Variants in KAZN observed in about 807,000 individuals in gnomAD.
The protein encoded by KAZN is kazrin.
KAZN carries 40 observed loss-of-function variants against 87.4 expected under a neutral mutation model. That is an observed-to-expected ratio of 0.46 (90% CI 0.36 to 0.60). The LOEUF is 0.60. Ranked by LOEUF, KAZN falls within the 20% of genes least tolerant of loss-of-function variation. The probability of loss-of-function intolerance (pLI) is 0.00; values close to 1 mark genes in which losing one functional copy is unlikely to be tolerated. For missense variants in KAZN, 898 were observed against 1,073.9 expected (o/e 0.84, Z 2.29); for synonymous variants, 466 against 458.3 (o/e 1.02, Z -0.22).
chr1:14,994,370 A>G (rs1458741601), intron 2 of KAZN, among the ~76,000 whole-genome samples: 1 of 152,170 alleles, frequency 6.6e-6, no homozygotes, highest in Non-Finnish European at 1.5e-5. Context: ...ACATTGTACC[A>G]CTGCCTTCAA....
At chr1:14,903,283 C>G (rs1015293251) in intron 1 of KAZN, among the ~76,000 whole-genome samples, 1 of 152,174 alleles carries the variant, frequency 6.6e-6, no homozygotes, top group Non-Finnish European at 1.5e-5. Context: ...AACACAGGAC[C>G]CAAACTACGT....
At position 15,001,067 on chromosome 1, in the gene KAZN, C is replaced by T. The variant is rs997045592; in HGVS notation, c.419-33682C>T. 6.0e-5 allele frequency among the ~76,000 whole-genome samples: 9 copies of T among 149,574 alleles called. No homozygotes were observed. In the South Asian group the frequency reaches 6.2e-4, roughly 10 times the overall value. On this transcript the variant is annotated intron_variant, in intron 2 of 14. Transcript: ENST00000376030. The stretch of plus-strand genomic sequence containing the variant: ...GCAGTGAGCCATGGTGGTGCCACTG[C>T]GCTCCAGCCTGGGTGACAGATGGAG...
chr1:14,104,696 A>G (rs1025120851), intron 1 of KAZN, among the ~76,000 whole-genome samples: 6 of 152,324 alleles, frequency 3.9e-5, no homozygotes, highest in Admixed American at 3.9e-4. Context: ...TATCAACCTC[A>G]TGGCTATTCT....
At chr1:14,153,760 A>G (rs566899391) in intron 1 of KAZN, among the ~76,000 whole-genome samples, 25 of 142,310 alleles carry the variant, frequency 1.8e-4, no homozygotes, top group African/African-American at 6.7e-4. Flanking sequence ...CCTGGGCAAT[A>G]AGAGCAAAAC....
intron 2 of KAZN, among the ~76,000 whole-genome samples, chr1:14,994,787 C>T (rs1328377482): frequency 1.3e-5 from 2 of 152,234 alleles, no homozygotes; most frequent in African/African-American, 4.8e-5. Context: ...TCCGTGTATT[C>T]ATCGGCAAAG....
intron 1 of KAZN, among the ~76,000 whole-genome samples, chr1:14,143,964 T>C (rs1233530615): frequency 6.6e-6 from 1 of 152,158 alleles, no homozygotes; most frequent in African/African-American, 2.4e-5. Context: ...GTGATCCTCC[T>C]GTCTCAGCTT....
chr1:14,254,741 G>A (rs538538321), intron 2 of KAZN, among the ~76,000 whole-genome samples: 15 of 152,040 alleles, frequency 9.9e-5, no homozygotes, highest in African/African-American at 3.1e-4. Context: ...ATTGGCTTAC[G>A]TTTCTGCAGG....
At chr1:15,103,230 G>A (rs1023529434) in intron 11 of KAZN, 129 bp from the exon 12 acceptor site, 4 of 673,068 alleles carry the variant, frequency 5.9e-6, no homozygotes, top group African/African-American at 5.3e-5. Flanking sequence ...TAGCACCACT[G>A]CACTCATGCC....
intron 2 of KAZN, among the ~76,000 whole-genome samples, chr1:14,319,017 TA>T (rs59009086): frequency 9.0e-4 from 20 of 22,286 alleles, no homozygotes; most frequent in Admixed American, 1.5e-3. Context: ...TATTTTTATT[TA>T]TTTATTTATT....
chr1:13,936,863 A>G (rs186027984), intron 1 of KAZN, among the ~76,000 whole-genome samples: 183 of 152,288 alleles, frequency 1.2e-3, no homozygotes, highest in African/African-American at 4.2e-3. Context: ...CTTTGGGTAG[A>G]TAGCCAGTAG....
chr1:14,543,888 TGTTA>T (rs1672964732), intron 2 of KAZN, among the ~76,000 whole-genome samples: 1 of 152,158 alleles, frequency 6.6e-6, no homozygotes, highest in Non-Finnish European at 1.5e-5. Flanking sequence ...ACCCAGGCAT[TGTTA>T]GTAAGACAAT....
chr1:14,384,649 C>A (rs1162895121), intron 2 of KAZN, among the ~76,000 whole-genome samples: 1 of 152,138 alleles, frequency 6.6e-6, no homozygotes, highest in Non-Finnish European at 1.5e-5. Context: ...ACCAGCCTTG[C>A]ATCCCAGGGA....
At chr1:14,216,040 A>AT (rs1276421100) in intron 2 of KAZN, among the ~76,000 whole-genome samples, 2 of 152,194 alleles carry the variant, frequency 1.3e-5, no homozygotes, top group Admixed American at 6.5e-5. Flanking sequence ...AATATCCTCA[A>AT]TTTTTTTAAA....
At chr1:14,220,116 G>C (rs866025268) in intron 2 of KAZN, among the ~76,000 whole-genome samples, 1 of 151,930 alleles carries the variant, frequency 6.6e-6, no homozygotes, top group African/African-American at 2.4e-5. Flanking sequence ...CACCTCTTTG[G>C]TCATGCCTTC....
At chr1:15,069,721 G>T (rs560530466) in intron 8 of KAZN, among the ~76,000 whole-genome samples, 1 of 152,252 alleles carries the variant, frequency 6.6e-6, no homozygotes, top group South Asian at 2.1e-4. Flanking sequence ...TTGGAGTAGG[G>T]CTGCCCAGGG....
intron 2 of KAZN, among the ~76,000 whole-genome samples, chr1:14,363,808 TG>T (rs1316577715): frequency 1.3e-5 from 2 of 152,182 alleles, no homozygotes; most frequent in African/African-American, 4.8e-5. Context: ...TGTTACCCCC[TG>T]CTCTAGATAT....
chr1:14,373,285 A>T (rs1169726248), intron 2 of KAZN, among the ~76,000 whole-genome samples: 2 of 151,944 alleles, frequency 1.3e-5, no homozygotes, highest in African/African-American at 4.8e-5. Flanking sequence ...GAAATCCCAC[A>T]ATCTGCTGTC....
At chr1:14,154,019 T>C (rs1328703356) in intron 1 of KAZN, among the ~76,000 whole-genome samples, 1 of 152,134 alleles carries the variant, frequency 6.6e-6, no homozygotes, top group African/African-American at 2.4e-5. Flanking sequence ...ATTTTAGGAT[T>C]TTTTTTCTAC....
chr1:14,845,382 T>C (rs1216201503), intron 1 of KAZN, among the ~76,000 whole-genome samples: 1 of 150,196 alleles, frequency 6.7e-6, no homozygotes, highest in Admixed American at 6.6e-5. Context: ...GATGGATGGA[T>C]GGATGGATGG....
Sources: allele counts gnomAD v4.1 joint callset (sites outside exome capture counted in the v4.1 genomes callset), GRCh38; gene constraint gnomAD v4.1.1; transcripts MANE v1.5; gene names NCBI Gene and HGNC (gene_info 2026-07-23, HGNC 2026-07-21).